The following ADD3 variants were observed in gnomAD, a reference collection of about 807,000 sequenced individuals.
ADD3 encodes adducin 3, also known as gamma-adducin.
A neutral mutation model predicts 80.2 loss-of-function variants in ADD3; 25 were observed. The observed-to-expected ratio is 0.31, with a 90% CI of 0.23 to 0.44. The LOEUF is 0.44. ADD3 is among the 20% of genes least tolerant of loss of function. ADD3 has a pLI of 1.00. For synonymous variants in ADD3, 284 were observed against 289.6 expected, an observed-to-expected ratio of 0.98 and a Z score of 0.20; for missense variants, 829 against 847.5, an observed-to-expected ratio of 0.98 and a Z score of 0.27.
chr10:110,086,183 G>A (rs892081171), intron 1 of ADD3, among the ~76,000 whole-genome samples: 2 of 152,012 alleles, frequency 1.3e-5, no homozygotes, highest in Non-Finnish European at 2.9e-5. Flanking sequence ...AGGCCGAGGT[G>A]GGCGGATCAT....
At chr10:110,114,357 G>A (rs1046452930) in intron 3 of ADD3, among the ~76,000 whole-genome samples, 3 of 152,140 alleles carry the variant, frequency 2.0e-5, no homozygotes, top group Non-Finnish European at 2.9e-5. Flanking sequence ...AAAATTAAAA[G>A]GTTTTCCATT....
intron 1 of ADD3, among the ~76,000 whole-genome samples, chr10:110,045,278 C>G (rs1351240343): frequency 6.6e-6 from 1 of 152,014 alleles, no homozygotes; most frequent in East Asian, 1.9e-4. Context: ...TGCTTGAACC[C>G]AGGAGTCGGA....
At chr10:110,078,382 G>A (rs1178644918) in intron 1 of ADD3, among the ~76,000 whole-genome samples, 2 of 152,202 alleles carry the variant, frequency 1.3e-5, no homozygotes, top group Non-Finnish European at 2.9e-5. Context: ...CTAGAATTGA[G>A]AGAAAAATGT....
intron 1 of ADD3, among the ~76,000 whole-genome samples, chr10:110,026,776 A>ATTT (rs199911023): frequency 1.4e-5 from 2 of 145,692 alleles, no homozygotes; most frequent in Non-Finnish European, 3.0e-5. Context: ...TTAATGATTG[A>ATTT]TTTTTTTTTT....
At chr10:110,068,334 C>T (rs1391781996) in intron 1 of ADD3, among the ~76,000 whole-genome samples, 6 of 152,272 alleles carry the variant, frequency 3.9e-5, no homozygotes, top group Non-Finnish European at 2.9e-5. Context: ...ACAGTTGGCC[C>T]TCCACTTCTG....
chr10:110,033,904 G>C (rs924260825), intron 1 of ADD3, among the ~76,000 whole-genome samples: 2 of 152,140 alleles, frequency 1.3e-5, no homozygotes, highest in African/African-American at 4.8e-5. Flanking sequence ...GATTTCTCAG[G>C]ATAAATAGTG....
intron 1 of ADD3, among the ~76,000 whole-genome samples, chr10:110,094,064 A>G (rs977316267): frequency 1.3e-5 from 2 of 152,194 alleles, no homozygotes; most frequent in South Asian, 4.1e-4. Flanking sequence ...AACCACCATT[A>G]TACAACTACC....
intron 14 of ADD3, chr10:110,132,851 C>T (rs768465516): frequency 1.1e-4 from 16 of 147,058 alleles, no homozygotes; most frequent in South Asian, 3.8e-4. Context: ...GGCATGAACA[C>T]GGGAGGTGGA....
rs139817876 is a variant in ADD3, at chr10:110,135,119, G to T, written c.*1501G>T. ...ATTGATTACAGTGTGTTTTGGAGCT[G>T]GCTCTGTTTGTGTGCATATGATAAT... On this transcript the variant is annotated 3_prime_UTR_variant, in exon 15 of 15. Transcript: ENST00000356080. The T allele has an allele frequency of 6.6e-5, 10 of 152,220 alleles. No homozygotes were observed. Among genetic ancestry groups the T allele is most frequent in the African/African-American group, 2.4e-4 (10 of 41,382 alleles). The allele number at this position is 152,220 out of a possible 1,614,324, so 9.4% of individuals were successfully genotyped here.
Position 110,066,571 on chromosome 10 carries a change from A to AT in ADD3, c.-29-34045dup, listed in dbSNP as rs879573980. Among the ~76,000 whole-genome samples the AT allele has an allele frequency of 5.6e-4, 85 of 151,354 alleles. 1 individual carries two copies. The highest frequency in any genetic ancestry group is 3.0e-3 in the Admixed American group (46 of 15,188). ...TTTAATTCTCTCTGTTAAGGGATAGATTTTTTTTTCTTTCTTTTTGGTCAA... is the reference window on the plus strand; with the variant it reads ...TTTAATTCTCTCTGTTAAGGGATAGATTTTTTTTTTCTTTCTTTTTGGTCAA... On this transcript the variant is annotated intron_variant, in intron 1 of 14. Coordinates refer to ENST00000356080, the MANE Select transcript of ADD3 (RefSeq NM_016824.5).
In ADD3 at chr10:110,018,145, A is replaced by G. The variant is rs555831986; in HGVS notation, c.-30+9846A>G. Among the ~76,000 whole-genome samples, 41 of 152,298 alleles carry G rather than the reference A, an allele frequency of 2.7e-4. No individual in the cohort carries two copies. The South Asian group carries it at 4.8e-3, about 18-fold the overall frequency. On this transcript the variant is annotated intron_variant, in intron 1 of 14. Coordinates refer to ENST00000356080, the MANE Select transcript of ADD3 (RefSeq NM_016824.5). ...ATGGTCAGCAATAACTAAAACAACA[A>G]TGCAAAATATGTTACTTGCCAGTGT...
rs118062013 is a variant in ADD3 at position 110,092,835 on chromosome 10, C to T, written c.-29-7790C>T. Among the ~76,000 whole-genome samples the T allele has an allele frequency of 1.9e-4, 29 of 151,690 alleles. 1 individual carries two copies. In the East Asian group the frequency reaches 4.7e-3, roughly 24 times the overall value. ...TATCTATAAAGTTGGGGATACTGGT[C>T]GCCTTTTCATAGAGTTGTGAAGGAT... On this transcript the variant is annotated intron_variant, in intron 1 of 14. Transcript: ENST00000356080.
At chr10:110,041,929 A>T (rs1856413114) in intron 1 of ADD3, among the ~76,000 whole-genome samples, 1 of 152,224 alleles carries the variant, frequency 6.6e-6, no homozygotes, top group Admixed American at 6.5e-5. Context: ...CCCCCCAAAA[A>T]ATATGTGGAT....
chr10:110,090,310 C>G (rs1847335765), intron 1 of ADD3, among the ~76,000 whole-genome samples: 1 of 150,962 alleles, frequency 6.6e-6, no homozygotes, highest in Non-Finnish European at 1.5e-5. Flanking sequence ...ACCTTCACCT[C>G]CCGGGTTCAA....
intron 1 of ADD3, among the ~76,000 whole-genome samples, chr10:110,094,925 G>A (rs1338456712): frequency 1.3e-5 from 2 of 152,188 alleles, no homozygotes; most frequent in Admixed American, 6.5e-5. Flanking sequence ...GTAGTTGAAA[G>A]TACAGCCATC....
intron 1 of ADD3, among the ~76,000 whole-genome samples, chr10:110,072,462 C>A (rs1420647614): frequency 4.6e-5 from 7 of 152,138 alleles, no homozygotes; most frequent in Non-Finnish European, 1.0e-4. Context: ...GAGAGGTATA[C>A]CCAGGGAACA....
upstream of ADD3, among the ~76,000 whole-genome samples, chr10:110,004,130 T>C (rs1470689213): frequency 2.0e-5 from 3 of 151,918 alleles, no homozygotes; most frequent in Admixed American, 6.6e-5. Context: ...CAATACTACC[T>C]GGTAGATGAA....
chr10:110,032,733 C>A lies in ADD3; in HGVS notation c.-30+24434C>A, dbSNP rs77910459. Among the ~76,000 whole-genome samples the A allele has an allele frequency of 4.7e-3, 713 of 152,298 alleles. 10 individuals are homozygous for A. The highest frequency in any genetic ancestry group is 0.016 in the African/African-American group (659 of 41,572). On this transcript the variant is annotated intron_variant, in intron 1 of 14. Coordinates refer to ENST00000356080, the MANE Select transcript of ADD3 (RefSeq NM_016824.5). ...AATAATCGCTATTCTATTAATACTTCTCTGGCTTTCCTTCCTGATTAAGAT... is the reference window on the plus strand; with the variant it reads ...AATAATCGCTATTCTATTAATACTTATCTGGCTTTCCTTCCTGATTAAGAT...
In ADD3 at chr10:110,100,841, A is replaced by G. The variant is rs1351041811; in HGVS notation, c.188A>G (p.Gln63Arg). Residue 63 changes from glutamine (Q) to arginine (R), a missense_variant, in exon 2 of 15, where the codon CAA becomes CGA. Physicochemically the swap from Gln to Arg is conservative, Grantham distance 43 (BLOSUM62 1). Coordinates refer to ENST00000356080, the MANE Select transcript of ADD3 (RefSeq NM_016824.5). ...EQRKRVTQIL[Q>R]SPAFREDLEC... ...AGGAAACGAGTTACTCAGATCCTGC[A>G]AAGTCCTGTGAGTTGAATTAGAAGG... 9 of 1,602,466 alleles carry G rather than the reference A, an allele frequency of 5.6e-6. No homozygotes were observed. The Admixed American group carries it at 1.6e-4, about 28-fold the overall frequency.
Sources: gnomAD v4.1 joint callset for allele counts (sites outside exome capture counted in the v4.1 genomes callset) on GRCh38, gnomAD v4.1.1 for gene constraint, MANE v1.5 for transcripts, NCBI Gene and HGNC (gene_info 2026-07-23, HGNC 2026-07-21) for gene names.